The following SEC23B variants were observed in gnomAD, a reference collection of about 807,000 sequenced individuals.
SEC23B encodes protein transport protein Sec23B.
Under a neutral mutation model 104.3 loss-of-function variants are expected in SEC23B, and 77 were observed. That is an observed-to-expected ratio of 0.74 (90% CI 0.61 to 0.89). SEC23B has a LOEUF of 0.89. Among genes scored for constraint, SEC23B ranks in the 40% least tolerant of loss-of-function variants. The pLI is 0.00. For missense variants in SEC23B, 885 were observed against 949.4 expected (o/e 0.93, Z 0.89); for synonymous variants, 338 against 332.5 (o/e 1.02, Z -0.18).
At chr20:18,556,280 A>G (rs1248492905) in intron 19 of SEC23B, among the ~76,000 whole-genome samples, 1 of 152,130 alleles carries the variant, frequency 6.6e-6, no homozygotes, top group East Asian at 1.9e-4. Context: ...TTTAAAGTGT[A>G]TGGGAGGGTA....
Position 18,560,681 on chromosome 20 carries a change from G to A in SEC23B, c.2245G>A (p.Val749Ile), listed in dbSNP as rs780013637. The stretch of plus-strand genomic sequence containing the variant: ...TGGAGCACCCATCCTAACTGATGAT[G>A]TTAGCCTGCAGGTGTTCATGGACCA... ...ETGAPILTDDVSLQVFMDHLK... is the reference protein window; with the variant it reads ...ETGAPILTDDISLQVFMDHLK... Residue 749 changes from valine to isoleucine, a missense_variant, in exon 20 of 20, where the codon GTT becomes ATT. Physicochemically the swap from Val to Ile is conservative, Grantham distance 29. Coordinates refer to ENST00000650089, the MANE Select transcript of SEC23B (RefSeq NM_006363.6). The A allele has an allele frequency of 3.1e-6, 5 of 1,614,134 alleles. No homozygotes were observed. In the South Asian group the frequency reaches 5.5e-5, roughly 18 times the overall value.
intron 8 of SEC23B, among the ~76,000 whole-genome samples, chr20:18,526,738 G>C (rs753301757): frequency 1.2e-4 from 18 of 151,962 alleles, no homozygotes; most frequent in Non-Finnish European, 2.4e-4. Flanking sequence ...CTACTCAAAG[G>C]GTTTTGAGAA....
At chr20:18,533,893 T>C (rs1429420908) in intron 11 of SEC23B, among the ~76,000 whole-genome samples, 1 of 152,246 alleles carries the variant, frequency 6.6e-6, no homozygotes, top group Non-Finnish European at 1.5e-5. Flanking sequence ...TGCTGAAGGC[T>C]TCTTGAAGTA....
intron 9 of SEC23B, among the ~76,000 whole-genome samples, chr20:18,528,327 T>C (rs1301192998): frequency 6.6e-6 from 1 of 152,192 alleles, no homozygotes; most frequent in Non-Finnish European, 1.5e-5. Context: ...TTTCTTTAGG[T>C]CTTGTCCTCA....
At chr20:18,516,534 C>CT (rs145877490) in intron 4 of SEC23B, among the ~76,000 whole-genome samples, 3 of 142,768 alleles carry the variant, frequency 2.1e-5, no homozygotes, top group Admixed American at 7.1e-5. Flanking sequence ...TTTTTGGGCT[C>CT]TTTTTTTTTT....
intron 14 of SEC23B, among the ~76,000 whole-genome samples, chr20:18,545,267 C>T (rs903834962): frequency 6.6e-6 from 1 of 152,024 alleles, no homozygotes; most frequent in African/African-American, 2.4e-5. Context: ...GAAGACAAAA[C>T]CATTGAAGAA....
At position 18,554,962 on chromosome 20, in the gene SEC23B, TA is replaced by T; in HGVS notation, c.2149-142del. 24 of 73,840 alleles carry T rather than the reference TA, an allele frequency of 3.3e-4. 9 individuals carry two copies. Among genetic ancestry groups the T allele is most frequent in the Non-Finnish European group, 5.9e-4 (15 of 25,380 alleles). The allele number at this position is 73,840 out of a possible 1,614,324, so 4.6% of individuals were successfully genotyped here. ...GCTAAAGAAATAGATTACTGTGCAG[TA>T]AAACAATTCTAATTAGATTACTGTG... is the stretch of plus-strand genomic sequence containing the variant. On this transcript the variant is annotated intron_variant, in intron 18 of 19. Transcript: ENST00000650089.
chr20:18,526,069 CATT>C, intron 7 of SEC23B, 137 bp downstream of exon 7: 1 of 1,079,980 alleles, frequency 9.3e-7, no homozygotes, highest in Non-Finnish European at 1.4e-6. Context: ...TTTGAGGCAT[CATT>C]ATCATTCACG....
intron 4 of SEC23B, among the ~76,000 whole-genome samples, chr20:18,519,580 C>T (rs2060064567): frequency 1.3e-5 from 2 of 152,104 alleles, no homozygotes; most frequent in African/African-American, 4.8e-5. Flanking sequence ...GACTGTACAG[C>T]TCTGCACTTA....
intron 12 of SEC23B, among the ~76,000 whole-genome samples, chr20:18,541,867 G>A (rs1368723373): frequency 1.3e-5 from 2 of 152,156 alleles, no homozygotes; most frequent in Non-Finnish European, 2.9e-5. Flanking sequence ...CTTGATGTAC[G>A]ATTGCCACAA....
At chr20:18,516,677 G>A (rs531368093) in intron 4 of SEC23B, among the ~76,000 whole-genome samples, 12 of 151,472 alleles carry the variant, frequency 7.9e-5, no homozygotes, top group African/African-American at 2.7e-4. Flanking sequence ...TCAGCCTCCC[G>A]AGTAGCTGGG....
chr20:18,544,348 T>C (rs551716391), intron 14 of SEC23B, among the ~76,000 whole-genome samples: 2 of 152,298 alleles, frequency 1.3e-5, no homozygotes, highest in South Asian at 4.1e-4. Flanking sequence ...ATTGCTTCTT[T>C]AGGATTTCAG....
chr20:18,552,586 G>C (rs1255692063), intron 17 of SEC23B, among the ~76,000 whole-genome samples: 2 of 152,200 alleles, frequency 1.3e-5, no homozygotes, highest in East Asian at 3.9e-4. Flanking sequence ...GGCCGAGGTG[G>C]GCGGATCATC....
chr20:18,517,325 A>G (rs968634514), intron 4 of SEC23B, among the ~76,000 whole-genome samples: 1 of 152,228 alleles, frequency 6.6e-6, no homozygotes, highest in South Asian at 2.1e-4. Context: ...CTCACAAAGT[A>G]CGTTCTCAAG....
intron 19 of SEC23B, among the ~76,000 whole-genome samples, chr20:18,557,950 C>A (rs1305852886): frequency 1.3e-5 from 2 of 151,822 alleles, no homozygotes; most frequent in African/African-American, 4.8e-5. Context: ...AGGGTTTCTC[C>A]ATGTTGGTCA....
At chr20:18,530,214 AT>A (rs1568609350) in intron 9 of SEC23B, among the ~76,000 whole-genome samples, 2 of 151,482 alleles carry the variant, frequency 1.3e-5, no homozygotes, top group East Asian at 1.9e-4. Flanking sequence ...TGCTGTTTTT[AT>A]TTTTTTAATT....
At chr20:18,524,147 CTT>C in intron 4 of SEC23B, among the ~76,000 whole-genome samples, 1 of 152,280 alleles carries the variant, frequency 6.6e-6, no homozygotes, top group South Asian at 2.1e-4. Flanking sequence ...AGGTAGAAGT[CTT>C]TGTTTTTTCT....
At chr20:18,550,281 A>C (rs1199949429) in intron 16 of SEC23B, among the ~76,000 whole-genome samples, 3 of 152,004 alleles carry the variant, frequency 2.0e-5, no homozygotes, top group Non-Finnish European at 4.4e-5. Flanking sequence ...CAGCCTCCTG[A>C]ATAGCTGGGA....
At chr20:18,535,225 G>A (rs1329427758) in intron 11 of SEC23B, among the ~76,000 whole-genome samples, 4 of 141,974 alleles carry the variant, frequency 2.8e-5, no homozygotes, top group African/African-American at 1.0e-4. Context: ...TAGTATATGT[G>A]TAAACCCGGA....
Sources: allele counts gnomAD v4.1 joint callset (sites outside exome capture counted in the v4.1 genomes callset), GRCh38; gene constraint gnomAD v4.1.1; transcripts MANE v1.5; gene names NCBI Gene and HGNC (gene_info 2026-07-23, HGNC 2026-07-21).